Variants in SH2D4A observed in about 807,000 individuals in gnomAD.
SH2D4A encodes the protein SH2 domain-containing protein 4A.
SH2D4A carries 70 observed loss-of-function variants against 64.7 expected under a neutral mutation model. That is an observed-to-expected ratio of 1.08 (90% confidence interval 0.89 to 1.32). The LOEUF (loss-of-function observed/expected upper bound fraction) is 1.32, where lower values mean the gene tolerates loss of function less well. Among genes scored for constraint, SH2D4A ranks in the 40% most tolerant of loss-of-function variants. The pLI, the probability that SH2D4A is intolerant of heterozygous loss-of-function variation, is 0.00. For synonymous variants in SH2D4A, 268 were observed against 200.7 expected, an observed-to-expected ratio of 1.34 and a Z score of -2.83; for missense variants, 706 against 540.1, an observed-to-expected ratio of 1.31 and a Z score of -3.04.
intron 4 of SH2D4A, among the ~76,000 whole-genome samples, chr8:19,336,790 C>A (rs2052452647): frequency 6.6e-6 from 1 of 151,908 alleles, no homozygotes; most frequent in Non-Finnish European, 1.5e-5. Flanking sequence ...TCGATTGAGC[C>A]CAGGAATTTG....
In SH2D4A at chr8:19,364,240, C is replaced by T. The variant is rs1351281115; in HGVS notation, c.875C>T (p.Pro292Leu). 1 of 1,614,186 alleles carries T rather than the reference C, an allele frequency of 6.2e-7. No homozygotes were observed. Among genetic ancestry groups the T allele is most frequent in the Admixed American group, 1.7e-5 (1 of 60,026 alleles). ...GAAAGACCTCCCCTTCCACCCAAGC[C>T]TCAGTTCCTAAACTCAGGGGCATAT... ...KPERPPLPPK[P>L]QFLNSGAYPQ... Residue 292 changes from proline (P) to leucine (L), a missense_variant, in exon 7 of 10, where the codon CCT becomes CTT. Physicochemically the swap from Pro to Leu is moderately conservative, Grantham distance 98. Transcript: ENST00000265807.
intron 2 of SH2D4A, among the ~76,000 whole-genome samples, chr8:19,322,301 C>A (rs1040301793): frequency 1.3e-5 from 2 of 152,144 alleles, no homozygotes; most frequent in African/African-American, 4.8e-5. Context: ...ACAGGTCACT[C>A]GTGCATCTGA....
In SH2D4A at chr8:19,313,734, C is replaced by G. The variant is rs1353905660; in HGVS notation, c.-294C>G. The stretch of plus-strand genomic sequence containing the variant: ...CCTGCGCCGCTTGGGACGCCTCTGC[C>G]TTTCCCTCCCTCCCTTCCCCGACGG... On this transcript the variant is annotated 5_prime_UTR_variant, in exon 1 of 10. Coordinates refer to ENST00000265807, the MANE Select transcript of SH2D4A (RefSeq NM_022071.4). 1 of 1,509,022 alleles carries G rather than the reference C, an allele frequency of 6.6e-7. No individual in the cohort carries two copies. The highest frequency in any genetic ancestry group is 2.0e-5 in the Admixed American group (1 of 48,856). 93.5% of individuals were successfully genotyped at this position (1,509,022 alleles called of 1,614,324 possible).
chr8:19,313,838 T>C lies in SH2D4A; in HGVS notation c.-205+15T>C. ...GCCCAGCACTGGTAGGTGCTGGGGG[T>C]GGGGCGAGGCTTTGGGGAGAGTGTG... is the stretch of plus-strand genomic sequence containing the variant. On this transcript the variant is annotated intron_variant, in intron 1 of 9. Transcript: ENST00000265807. 6.8e-7 allele frequency: 1 copy of C among 1,471,370 alleles called. No homozygotes were observed. The highest frequency in any genetic ancestry group is 8.9e-7 in the Non-Finnish European group (1 of 1,117,530). The allele number at this position is 1,471,370 out of a possible 1,614,324, so 91.1% of individuals were successfully genotyped here.
intron 4 of SH2D4A, among the ~76,000 whole-genome samples, chr8:19,336,595 A>G (rs958057694): frequency 1.3e-5 from 2 of 152,152 alleles, no homozygotes; most frequent in African/African-American, 4.8e-5. Context: ...TCACACTTGT[A>G]ATCTCAGTGC....
intron 1 of SH2D4A, 127 bp downstream of exon 1, chr8:19,313,950 G>A (rs1221787870): frequency 5.5e-6 from 7 of 1,277,070 alleles, no homozygotes; most frequent in Non-Finnish European, 6.9e-6. Context: ...GCGGGCGGAA[G>A]CCTCACCCCC....
At chr8:19,336,725 A>G (rs937045136) in intron 4 of SH2D4A, among the ~76,000 whole-genome samples, 1 of 152,020 alleles carries the variant, frequency 6.6e-6, no homozygotes, top group African/African-American at 2.4e-5. Flanking sequence ...AAAACAGCCA[A>G]GCATGGTGGT....
In SH2D4A at chr8:19,393,310, T is replaced by TGCCA; in HGVS notation, c.1049-7_1049-4dup. ...CTGAAATACCTGCCTTTTTTTGCTT[T>TGCCA]GCCACAGGAATTCTCACACTCAAGA... On this transcript the variant is annotated splice_region_variant and splice_polypyrimidine_tract_variant and intron_variant, in intron 8 of 9. Coordinates refer to ENST00000265807, the MANE Select transcript of SH2D4A (RefSeq NM_022071.4). The TGCCA allele has an allele frequency of 3.1e-6, 5 of 1,614,084 alleles. No homozygotes were observed. Among genetic ancestry groups the TGCCA allele is most frequent in the Non-Finnish European group, 4.2e-6 (5 of 1,179,942 alleles).
intron 5 of SH2D4A, chr8:19,360,934 A>AT (rs1187535746): frequency 4.2e-6 from 1 of 238,506 alleles, no homozygotes; most frequent in Non-Finnish European, 8.2e-6. Context: ...CCTAAGAAAT[A>AT]TTTTTTTCTC....
intron 8 of SH2D4A, among the ~76,000 whole-genome samples, chr8:19,381,046 G>GTTT (rs869149766): frequency 1.5e-4 from 22 of 143,500 alleles, no homozygotes; most frequent in African/African-American, 5.3e-4. Flanking sequence ...ATGTTTTGTA[G>GTTT]TTTTTTTTTT....
At chr8:19,355,628 A>C (rs772220519) in intron 4 of SH2D4A, among the ~76,000 whole-genome samples, 40 of 152,238 alleles carry the variant, frequency 2.6e-4, no homozygotes, top group Non-Finnish European at 1.9e-4. Flanking sequence ...TCTGGTGCTG[A>C]GCAAGCTCCA....
intron 1 of SH2D4A, among the ~76,000 whole-genome samples, chr8:19,319,122 G>A (rs2052140039): frequency 6.6e-6 from 1 of 151,156 alleles, no homozygotes; most frequent in South Asian, 2.1e-4. Flanking sequence ...TATAAAGTTA[G>A]GGTTTGTTTT....
intron 8 of SH2D4A, among the ~76,000 whole-genome samples, chr8:19,387,497 C>G (rs990861368): frequency 1.3e-5 from 2 of 152,268 alleles, no homozygotes; most frequent in African/African-American, 4.8e-5. Flanking sequence ...GCGTCAGCCT[C>G]CCAAAGTGCT....
chr8:19,383,413 G>T (rs111620441), intron 8 of SH2D4A, among the ~76,000 whole-genome samples: 2,987 of 149,860 alleles, frequency 0.02, 108 homozygotes, highest in African/African-American at 0.07. Flanking sequence ...TTTTATTTTA[G>T]GTTTTCTCTT....
intron 4 of SH2D4A, among the ~76,000 whole-genome samples, chr8:19,347,359 C>T (rs1242727863): frequency 6.6e-6 from 1 of 152,116 alleles, no homozygotes; most frequent in Admixed American, 6.5e-5. Context: ...ACCGACTCAC[C>T]CTACCTAGGG....
chr8:19,382,668 T>C (rs1240537146), intron 8 of SH2D4A, among the ~76,000 whole-genome samples: 1 of 152,152 alleles, frequency 6.6e-6, no homozygotes, highest in Non-Finnish European at 1.5e-5. Context: ...TTTATCAGGA[T>C]GTACTGCCAT....
chr8:19,373,465 TG>T, intron 7 of SH2D4A, 64 bp from the exon 8 acceptor site: 3 of 1,121,206 alleles, frequency 2.7e-6, no homozygotes, highest in Non-Finnish European at 2.5e-6. Flanking sequence ...TATATATATA[TG>T]ACTTTTGAGG....
chr8:19,325,519 A>G lies in SH2D4A; in HGVS notation c.181+5791A>G, dbSNP rs557256371. Among the ~76,000 whole-genome samples, 5 of 152,274 alleles carry G rather than the reference A, an allele frequency of 3.3e-5. No homozygotes were observed. In the South Asian group the frequency reaches 1.0e-3, roughly 32 times the overall value. ...TTCTGTTCCCCCAACTCTGGGCTTT[A>G]TAATTAAACTGGGATTGGCTTCCTA... On this transcript the variant is annotated intron_variant, in intron 2 of 9. Coordinates refer to ENST00000265807, the MANE Select transcript of SH2D4A (RefSeq NM_022071.4).
intron 7 of SH2D4A, 29 bp from the exon 8 acceptor site, chr8:19,373,501 C>A: frequency 1.3e-6 from 2 of 1,529,982 alleles, no homozygotes; most frequent in Non-Finnish European, 1.8e-6. Flanking sequence ...TTAGTTAAAT[C>A]TAACTTGAAA....
Sources: allele counts gnomAD v4.1 joint callset (sites outside exome capture counted in the v4.1 genomes callset), GRCh38; gene constraint gnomAD v4.1.1; transcripts MANE v1.5; gene names NCBI Gene and HGNC (gene_info 2026-07-23, HGNC 2026-07-21).